The following CSPG5 variants were observed in gnomAD, a reference collection of about 807,000 sequenced individuals.
CSPG5 encodes chondroitin sulfate proteoglycan 5, also known as acidic leucine-rich EGF-like domain-containing brain protein.
CSPG5 carries 25 observed loss-of-function variants against 39.8 expected under a neutral mutation model. The observed-to-expected ratio is 0.63, with a 90% CI of 0.46 to 0.88. CSPG5 has a LOEUF of 0.88. Among genes scored for constraint, CSPG5 ranks in the 40% least tolerant of loss-of-function variants. The probability of loss-of-function intolerance (pLI) is 0.00; values close to 1 mark genes in which losing one functional copy is unlikely to be tolerated. For missense variants in CSPG5, 627 were observed against 702.2 expected (o/e 0.89, Z 1.21); for synonymous variants, 295 against 303.9 (o/e 0.97, Z 0.31).
At chr3:47,575,959 C>CA (rs1375376604) in intron 2 of CSPG5, among the ~76,000 whole-genome samples, 6 of 108,572 alleles carry the variant, frequency 5.5e-5, no homozygotes, top group Non-Finnish European at 3.5e-5. Flanking sequence ...TTTTTTGAGA[C>CA]AGAGTTTCGC....
chr3:47,567,404 CTG>C (rs1436288052), intron 4 of CSPG5, among the ~76,000 whole-genome samples: 2 of 152,116 alleles, frequency 1.3e-5, no homozygotes, highest in African/African-American at 4.8e-5. Context: ...GTCCTGCCCT[CTG>C]TGGGTTGATG....
chr3:47,578,054 C>T lies in CSPG5; in HGVS notation c.98-126G>A, dbSNP rs1318947532. On this transcript the variant is annotated intron_variant, in intron 1 of 4. Coordinates refer to ENST00000264723, the MANE Select transcript of CSPG5 (RefSeq NM_006574.4). This position sits in a 1 kb window ranked among gnomAD's most constrained non-coding sequence, Gnocchi z 6.0. ...AACCCAGACCTCGCCACCCTCAGAC[C>T]CCACCGCCCCAGTGTGACCCCAGCC... 1.5e-6 allele frequency: 2 copies of T among 1,293,354 alleles called. No homozygotes were observed. The highest frequency in any genetic ancestry group is 3.1e-5 in the African/African-American group (2 of 64,182). The allele number at this position is 1,293,354 out of a possible 1,614,324, so 80.1% of individuals were successfully genotyped here.
chr3:47,578,893 C>G (rs2031893221), upstream of CSPG5: 1 of 148,454 alleles, frequency 6.7e-6, no homozygotes, highest in African/African-American at 2.4e-5. This position sits in a 1 kb window ranked among gnomAD's most constrained non-coding sequence, Gnocchi z 6.0. Context: ...CCGCTGCCGC[C>G]GCTGCGCTCA....
Position 47,578,579 on chromosome 3 carries a change from G to T in CSPG5, c.97+18C>A. ...GGGGCACGAGGGCCGCGGGGGTCCC[G>T]GGCGCAGTCATACCTACCCGGCACG... On this transcript the variant is annotated intron_variant, in intron 1 of 4. Transcript: ENST00000264723. This position sits in a 1 kb window ranked among gnomAD's most constrained non-coding sequence, Gnocchi z 6.0. The T allele has an allele frequency of 2.9e-6, 3 of 1,039,084 alleles. No homozygotes were observed. The highest frequency in any genetic ancestry group is 2.4e-6 in the Non-Finnish European group (2 of 830,948). 64.4% of individuals were successfully genotyped at this position (1,039,084 alleles called of 1,614,324 possible).
Position 47,572,198 on chromosome 3 carries a change from C to T in CSPG5, c.1382+488G>A, listed in dbSNP as rs1045181595. Among the ~76,000 whole-genome samples the T allele has an allele frequency of 3.9e-5, 6 of 152,128 alleles. No homozygotes were observed. The highest frequency in any genetic ancestry group is 8.8e-5 in the Non-Finnish European group (6 of 68,012). On this transcript the variant is annotated intron_variant, in intron 3 of 4. Transcript: ENST00000264723. This position sits in a 1 kb window ranked among gnomAD's most constrained non-coding sequence, Gnocchi z 4.5. ...CAATGCAGTGTGGTGCTAAATAAAC[C>T]CTTTCTCCTCAGTGTTCACCGAGGA...
Position 47,562,443 on chromosome 3 carries a change from T to TGCCTC in CSPG5, c.*152_*156dup, listed in dbSNP as rs397687018. The stretch of plus-strand genomic sequence containing the variant: ...TCTTTGCTTATTTTAAGTATTTTTT[T>TGCCTC]GCCTCCTGTACAAAATACATAAAAG... On this transcript the variant is annotated 3_prime_UTR_variant, in exon 5 of 5. Transcript: ENST00000264723. The TGCCTC allele has an allele frequency of 9.8e-6, 7 of 716,984 alleles. No homozygotes were observed. The highest frequency in any genetic ancestry group is 3.6e-5 in the African/African-American group (2 of 55,782). 44.4% of individuals were successfully genotyped at this position (716,984 alleles called of 1,614,324 possible).
rs770703185 is a variant in CSPG5, at chr3:47,562,642, C to T, written c.1578G>A (p.Gln526=). The change falls in exon 5 of 5, where the codon CAG becomes CAA. Residue 526 remains glutamine, a synonymous_variant. Transcript: ENST00000264723. ...SPKLEGGKGD[Q]ADLDVNCLQN... ...GAAGACAGTTCACATCCAAGTCAGC[C>T]TGGTCACCTTTGCCACCCTCAAGTT... 5 of 1,614,050 alleles carry T rather than the reference C, an allele frequency of 3.1e-6. No individual in the cohort carries two copies. Among genetic ancestry groups the T allele is most frequent in the Non-Finnish European group, 3.4e-6 (4 of 1,180,006 alleles).
intron 2 of CSPG5, among the ~76,000 whole-genome samples, chr3:47,575,251 C>T (rs766146167): frequency 5.9e-5 from 9 of 152,258 alleles, no homozygotes; most frequent in East Asian, 3.9e-4. Context: ...TATGGTGAAA[C>T]CCCATCTCTA....
chr3:47,577,024 G>A lies in CSPG5; in HGVS notation c.1002C>T (p.Gly334=), dbSNP rs2031770575. The change falls in exon 2 of 5, where the codon GGC becomes GGT. Residue 334 remains glycine (G), a synonymous_variant. Coordinates refer to ENST00000264723, the MANE Select transcript of CSPG5 (RefSeq NM_006574.4). The surrounding 1 kb of genome is among the most constrained non-coding windows in gnomAD (Gnocchi z 4.7). ...GGCGGGGCCTGAGGGCGATGCTGCT[G>A]CCGGGGACCGACCCCAGAGTGTGCT... The part of the protein sequence containing the change: ...PPQHTLGSVP[G]SSIALRPRPG... 1.2e-6 allele frequency: 2 copies of A among 1,612,990 alleles called. No homozygotes were observed. The highest frequency in any genetic ancestry group is 1.7e-6 in the Non-Finnish European group (2 of 1,179,534).
chr3:47,570,563 G>A (rs1469774171), intron 3 of CSPG5, among the ~76,000 whole-genome samples: 1 of 150,948 alleles, frequency 6.6e-6, no homozygotes, highest in African/African-American at 2.4e-5. Flanking sequence ...AGGCTGGAGT[G>A]TAGTGGCACA....
In CSPG5 at chr3:47,571,910, C is replaced by T. The variant is rs2031543441; in HGVS notation, c.1382+776G>A. 1.3e-5 allele frequency among the ~76,000 whole-genome samples: 2 copies of T among 152,200 alleles called. 1 individual carries two copies. Among genetic ancestry groups the T allele is most frequent in the South Asian group, 4.1e-4 (2 of 4,826 alleles). Reference sequence around the variant, plus strand: ...TGCTTAGTAATAGGAGTAATTTTCTCATAGCGTATAAGGTCACATCCGAGT... The same window carrying T: ...TGCTTAGTAATAGGAGTAATTTTCTTATAGCGTATAAGGTCACATCCGAGT... On this transcript the variant is annotated intron_variant, in intron 3 of 4. Coordinates refer to ENST00000264723, the MANE Select transcript of CSPG5 (RefSeq NM_006574.4).
At position 47,567,418 on chromosome 3, in the gene CSPG5, A is replaced by T. The variant is rs539699169; in HGVS notation, c.1458+1734T>A. Among the ~76,000 whole-genome samples, 5 of 152,216 alleles carry T rather than the reference A, an allele frequency of 3.3e-5. No individual in the cohort carries two copies. The East Asian group carries it at 9.7e-4, about 29-fold the overall frequency. ...TGTCCTGCCCTCTGTGGGTTGATGA[A>T]CATGGTGACCAATTTTAGAGTTTAT... On this transcript the variant is annotated intron_variant, in intron 4 of 4. Transcript: ENST00000264723.
Position 47,572,897 on chromosome 3 carries a change from C to G in CSPG5, c.1194-23G>C, listed in dbSNP as rs768495633. Reference sequence around the variant, plus strand: ...CACCTGCAGCAGCGACATTGAGAAACCGTGGCGATGGAGCAGGCAGCCACG... The same window carrying G: ...CACCTGCAGCAGCGACATTGAGAAAGCGTGGCGATGGAGCAGGCAGCCACG... On this transcript the variant is annotated intron_variant, in intron 2 of 4. Coordinates refer to ENST00000264723, the MANE Select transcript of CSPG5 (RefSeq NM_006574.4). This position sits in a 1 kb window ranked among gnomAD's most constrained non-coding sequence, Gnocchi z 4.5. The G allele has an allele frequency of 1.3e-6, 2 of 1,596,862 alleles. No individual in the cohort carries two copies. Among genetic ancestry groups the G allele is most frequent in the South Asian group, 2.2e-5 (2 of 89,732 alleles).
At chr3:47,580,107 CA>C (rs2031930877), upstream of CSPG5, 1 of 152,244 alleles carries the variant, frequency 6.6e-6, no homozygotes, top group Non-Finnish European at 1.5e-5. Context: ...CTAGCGTCTC[CA>C]CCTCTCCTGC....
At chr3:47,566,302 G>A (rs2031297169) in intron 4 of CSPG5, among the ~76,000 whole-genome samples, 4 of 152,182 alleles carry the variant, frequency 2.6e-5, no homozygotes, top group Non-Finnish European at 4.4e-5. Context: ...AAGCCACGAG[G>A]CAGGCTGGAC....
chr3:47,571,421 G>A (rs1157732417), intron 3 of CSPG5, among the ~76,000 whole-genome samples: 1 of 152,216 alleles, frequency 6.6e-6, no homozygotes, highest in African/African-American at 2.4e-5. Context: ...ATCAGCAGCT[G>A]CTGTGATTGA....
At chr3:47,573,007 G>A (rs1005807818) in intron 2 of CSPG5, 133 bp from the exon 3 acceptor site, 15 of 682,892 alleles carry the variant, frequency 2.2e-5, no homozygotes, top group Admixed American at 9.0e-5. Flanking sequence ...GCAATGCTCC[G>A]AATCTGCACA....
At chr3:47,579,600 G>A (rs1014598393), upstream of CSPG5, 1 of 152,270 alleles carries the variant, frequency 6.6e-6, no homozygotes, top group Non-Finnish European at 1.5e-5. The surrounding 1 kb of genome is among the most constrained non-coding windows in gnomAD (Gnocchi z 4.2). Context: ...GGGCAGCCTG[G>A]GGAGCGGCCT....
chr3:47,570,134 AGT>A, intron 3 of CSPG5, among the ~76,000 whole-genome samples: 1 of 151,574 alleles, frequency 6.6e-6, no homozygotes, highest in Middle Eastern at 3.4e-3. Context: ...AGAATATGTC[AGT>A]GTGTTATATA....
Sources: gnomAD v4.1 joint callset for allele counts (sites outside exome capture counted in the v4.1 genomes callset) on GRCh38, gnomAD v4.1.1 for gene constraint, Gnocchi (gnomAD v3.1) non-coding constraint, MANE v1.5 for transcripts, NCBI Gene and HGNC (gene_info 2026-07-23, HGNC 2026-07-21) for gene names.